The following NCKAP5 variants were observed in gnomAD, a reference collection of about 807,000 sequenced individuals.
NCKAP5 encodes nck-associated protein 5.
NCKAP5 carries 92 observed loss-of-function variants against 167.0 expected under a neutral mutation model. That is an observed-to-expected ratio of 0.55 (90% CI 0.47 to 0.66). NCKAP5 has a LOEUF of 0.66. NCKAP5 is among the 30% of genes least tolerant of loss of function. The pLI is 0.00. For missense variants in NCKAP5, 2,378 were observed against 2,315.0 expected (o/e 1.03, Z -0.56); for synonymous variants, 891 against 877.4 (o/e 1.02, Z -0.27).
At chr2:133,588,195 C>T in the NCKAP5 span, among the ~76,000 whole-genome samples, 10 of 152,106 alleles carry the variant, frequency 6.6e-5, no homozygotes, top group East Asian at 1.9e-3. Context: ...AAATACTATT[C>T]TAATGTAAAG....
At chr2:133,022,828 G>A (rs1463886440) in intron 6 of NCKAP5, among the ~76,000 whole-genome samples, 2 of 152,092 alleles carry the variant, frequency 1.3e-5, no homozygotes, top group African/African-American at 4.8e-5. Flanking sequence ...TTGTAGCTCA[G>A]CCAAAGAACC....
chr2:133,212,409 G>T (rs2086247895), intron 5 of NCKAP5, among the ~76,000 whole-genome samples: 1 of 152,030 alleles, frequency 6.6e-6, no homozygotes, highest in Admixed American at 6.6e-5. Flanking sequence ...TGGGAGACAG[G>T]GTCTTTGGAG....
rs374385691 is a variant in NCKAP5, at chr2:132,784,444, C to T, written c.2367G>A (p.Ser789=). The part of the protein sequence containing the change: ...NISCQSNSRS[S]APMGIYQKQN... ...GCTTTTGATAGATGCCCATGGGTGC[C>T]GAAGACCTGGAATTACTCTGGCATG... The change falls in exon 14 of 20, where the codon TCG becomes TCA. Residue 789 remains serine, a synonymous_variant. Coordinates refer to ENST00000409261, the MANE Select transcript of NCKAP5 (RefSeq NM_207363.3). 5.5e-5 allele frequency: 89 copies of T among 1,606,468 alleles called. No individual in the cohort carries two copies. The African/African-American group carries it at 6.2e-4, about 11-fold the overall frequency.
At chr2:133,483,020 A>C (rs1338756577) in intron 3 of NCKAP5, among the ~76,000 whole-genome samples, 3 of 152,146 alleles carry the variant, frequency 2.0e-5, no homozygotes, top group Non-Finnish European at 2.9e-5. Context: ...TTCCATTGCC[A>C]CTTTAATTAA....
At chr2:132,984,782 GAC>G (rs1171811582) in intron 7 of NCKAP5, among the ~76,000 whole-genome samples, 1 of 151,556 alleles carries the variant, frequency 6.6e-6, no homozygotes, top group Non-Finnish European at 1.5e-5. Context: ...AAAAACAAAA[GAC>G]AGTTTTTTAG....
At chr2:132,920,114 C>T (rs1270157180) in intron 8 of NCKAP5, among the ~76,000 whole-genome samples, 2 of 150,598 alleles carry the variant, frequency 1.3e-5, no homozygotes, top group Non-Finnish European at 2.9e-5. Flanking sequence ...TCCCCTCTCC[C>T]CCTTGCCATC....
intron 6 of NCKAP5, among the ~76,000 whole-genome samples, chr2:133,066,842 T>C (rs1287412518): frequency 6.6e-6 from 1 of 152,188 alleles, no homozygotes; most frequent in East Asian, 1.9e-4. Flanking sequence ...CTCCTTGGTA[T>C]GATGTAGTCT....
intron 8 of NCKAP5, among the ~76,000 whole-genome samples, chr2:132,900,728 C>G (rs575207065): frequency 1.3e-5 from 2 of 152,104 alleles, no homozygotes; most frequent in East Asian, 1.9e-4. Flanking sequence ...TGTAATTTAT[C>G]TTTTGTTATT....
chr2:133,316,618 T>G (rs958661249), intron 3 of NCKAP5, among the ~76,000 whole-genome samples: 2 of 152,226 alleles, frequency 1.3e-5, no homozygotes, highest in African/African-American at 4.8e-5. Flanking sequence ...GTGTGTTGCC[T>G]GTTAAACTGC....
the NCKAP5 span, among the ~76,000 whole-genome samples, chr2:133,619,444 G>A: frequency 6.6e-6 from 1 of 151,870 alleles, no homozygotes; most frequent in African/African-American, 2.4e-5. Flanking sequence ...AATGCAAAAT[G>A]CACTGGAAAG....
chr2:133,282,183 T>G (rs982200531), intron 4 of NCKAP5, among the ~76,000 whole-genome samples: 6 of 152,238 alleles, frequency 3.9e-5, no homozygotes, highest in South Asian at 2.1e-4. Flanking sequence ...AAAACTGTGA[T>G]GATTAAATGA....
intron 4 of NCKAP5, among the ~76,000 whole-genome samples, chr2:133,252,115 C>T (rs1336733746): frequency 6.6e-6 from 1 of 152,180 alleles, no homozygotes; most frequent in Non-Finnish European, 1.5e-5. Context: ...AGTGTCCTTC[C>T]TATACTGGAA....
intron 3 of NCKAP5, among the ~76,000 whole-genome samples, chr2:133,423,564 T>C (rs1256788051): frequency 6.6e-6 from 1 of 152,192 alleles, no homozygotes; most frequent in East Asian, 1.9e-4. Context: ...AATTGCCAAA[T>C]GCCCAGGGAC....
At chr2:133,383,939 T>C (rs1407189981) in intron 3 of NCKAP5, among the ~76,000 whole-genome samples, 3 of 152,224 alleles carry the variant, frequency 2.0e-5, no homozygotes, top group Non-Finnish European at 2.9e-5. Flanking sequence ...TTGAGTTCTT[T>C]GTAGATTCTG....
intron 8 of NCKAP5, among the ~76,000 whole-genome samples, chr2:132,917,998 C>T (rs1695015347): frequency 1.3e-5 from 2 of 152,108 alleles, no homozygotes; most frequent in South Asian, 4.1e-4. Flanking sequence ...AAAATGCTGT[C>T]CATGCCTTTT....
At chr2:133,615,272 A>C in the NCKAP5 span, among the ~76,000 whole-genome samples, 1 of 151,680 alleles carries the variant, frequency 6.6e-6, no homozygotes, top group Non-Finnish European at 1.5e-5. Context: ...TAACATCATA[A>C]TGACAGGATC....
intron 8 of NCKAP5, among the ~76,000 whole-genome samples, chr2:132,942,084 T>C (rs1221248242): frequency 1.3e-5 from 2 of 152,238 alleles, no homozygotes; most frequent in Non-Finnish European, 2.9e-5. Flanking sequence ...TCATTCACAT[T>C]TGACAATCTG....
At chr2:132,852,447 T>C (rs796888496) in intron 11 of NCKAP5, among the ~76,000 whole-genome samples, 7 of 152,348 alleles carry the variant, frequency 4.6e-5, no homozygotes, top group African/African-American at 1.7e-4. Context: ...TAATCCAGTT[T>C]AACTATATCC....
At chr2:133,384,138 A>G (rs568656515) in intron 3 of NCKAP5, among the ~76,000 whole-genome samples, 1 of 152,328 alleles carries the variant, frequency 6.6e-6, no homozygotes, top group South Asian at 2.1e-4. Flanking sequence ...GCCCATGCCT[A>G]TGTCCTGAAT....
Sources: allele counts gnomAD v4.1 joint callset (sites outside exome capture counted in the v4.1 genomes callset), GRCh38; gene constraint gnomAD v4.1.1; transcripts MANE v1.5; gene names NCBI Gene and HGNC (gene_info 2026-07-23, HGNC 2026-07-21).